ELMO1: variants seen among roughly 807,000 people sequenced by gnomAD.
ELMO1 encodes the protein engulfment and cell motility 1, also known as engulfment and cell motility protein 1.
In ELMO1, 26 loss-of-function variants were observed where a neutral mutation model predicts 98.9. The ratio of observed to expected loss-of-function variants is 0.26; its 90% CI spans 0.19 to 0.36. The LOEUF is 0.36. Ranked by LOEUF, ELMO1 falls within the 10% of genes least tolerant of loss-of-function variation. ELMO1 has a pLI of 1.00. For missense variants in ELMO1, 627 were observed against 935.2 expected (o/e 0.67, Z 4.30); for synonymous variants, 346 against 346.0 (o/e 1.00, Z 0.00).
Position 37,224,869 on chromosome 7 carries a change from G to T in ELMO1, c.701+10C>A, listed in dbSNP as rs1196414028. ...CATTTCTCCTCCCCAGAGCATCTTG[G>T]CATGCTTACCCTTGCAGGTGTGGAA... On this transcript the variant is annotated intron_variant, in intron 9 of 21. Coordinates refer to ENST00000310758, the MANE Select transcript of ELMO1 (RefSeq NM_014800.11). 9 of 1,612,938 alleles carry T rather than the reference G, an allele frequency of 5.6e-6. No homozygotes were observed. Among genetic ancestry groups the T allele is most frequent in the Non-Finnish European group, 7.6e-6 (9 of 1,179,266 alleles).
At chr7:37,011,064 G>A (rs1010188331) in intron 16 of ELMO1, among the ~76,000 whole-genome samples, 1 of 152,312 alleles carries the variant, frequency 6.6e-6, no homozygotes, top group Admixed American at 6.5e-5. Flanking sequence ...GGCAATAGAG[G>A]TGTGACCCCC....
intron 15 of ELMO1, among the ~76,000 whole-genome samples, chr7:37,079,264 C>A (rs1797737360): frequency 6.6e-6 from 1 of 152,206 alleles, no homozygotes; most frequent in Non-Finnish European, 1.5e-5. Flanking sequence ...TTCTGTATCA[C>A]TGTGAAGCAA....
intron 7 of ELMO1, among the ~76,000 whole-genome samples, chr7:37,241,024 G>T (rs576826699): frequency 2.0e-5 from 3 of 152,168 alleles, no homozygotes; most frequent in Admixed American, 6.5e-5. Context: ...ATTTTGCCTA[G>T]TTTTCATACC....
At chr7:37,263,202 G>C (rs1796065801) in intron 5 of ELMO1, among the ~76,000 whole-genome samples, 1 of 151,656 alleles carries the variant, frequency 6.6e-6, no homozygotes, top group East Asian at 1.9e-4. Flanking sequence ...TTGGAGTTTT[G>C]TAAGGAAATT....
chr7:37,275,859 C>G (rs1256956676), intron 4 of ELMO1, among the ~76,000 whole-genome samples: 2 of 152,218 alleles, frequency 1.3e-5, no homozygotes, highest in Non-Finnish European at 2.9e-5. Context: ...ACCACTGTTT[C>G]TGAGACTATA....
At chr7:36,860,507 G>A (rs1256288391) in intron 21 of ELMO1, among the ~76,000 whole-genome samples, 2 of 152,200 alleles carry the variant, frequency 1.3e-5, no homozygotes, top group Non-Finnish European at 1.5e-5. Context: ...TGGCAGATAT[G>A]AATAAAAATC....
chr7:37,395,549 T>C (rs2131436721), intron 1 of ELMO1, among the ~76,000 whole-genome samples: 1 of 152,320 alleles, frequency 6.6e-6, no homozygotes, highest in African/African-American at 2.4e-5. Flanking sequence ...TAACCAATTT[T>C]GTTTTCAGAA....
chr7:37,350,333 G>C (rs1394200774), intron 1 of ELMO1, among the ~76,000 whole-genome samples: 1 of 152,180 alleles, frequency 6.6e-6, no homozygotes, highest in African/African-American at 2.4e-5. Flanking sequence ...TTGACAGGTG[G>C]GGAAATGTGC....
At chr7:37,139,148 C>T (rs1787455790) in intron 13 of ELMO1, among the ~76,000 whole-genome samples, 1 of 152,058 alleles carries the variant, frequency 6.6e-6, no homozygotes. Context: ...GGAAGCATTC[C>T]CCCTGAGAAC....
intron 15 of ELMO1, among the ~76,000 whole-genome samples, chr7:37,023,127 T>C (rs1794370692): frequency 1.3e-5 from 2 of 152,340 alleles, no homozygotes; most frequent in Middle Eastern, 3.4e-3. Flanking sequence ...AGTGGGAAGA[T>C]GGCCCAAGAG....
At chr7:36,977,179 G>A (rs1458688266) in intron 16 of ELMO1, among the ~76,000 whole-genome samples, 1 of 152,188 alleles carries the variant, frequency 6.6e-6, no homozygotes, top group Non-Finnish European at 1.5e-5. Context: ...TTTGAGCATA[G>A]GAGGATGTAC....
At chr7:37,093,290 G>C (rs1463292319) in intron 15 of ELMO1, among the ~76,000 whole-genome samples, 1 of 152,090 alleles carries the variant, frequency 6.6e-6, no homozygotes, top group African/African-American at 2.4e-5. Flanking sequence ...TATTTCAGAG[G>C]TGGGTTTCCT....
At chr7:36,859,861 T>A (rs539174175) in intron 21 of ELMO1, among the ~76,000 whole-genome samples, 18 of 152,118 alleles carry the variant, frequency 1.2e-4, no homozygotes, top group Non-Finnish European at 2.2e-4. Flanking sequence ...ATAAAACTTA[T>A]ACCAAGTGTG....
At chr7:37,377,682 T>A (rs191802377) in intron 1 of ELMO1, among the ~76,000 whole-genome samples, 24 of 152,224 alleles carry the variant, frequency 1.6e-4, no homozygotes, top group African/African-American at 5.1e-4. Flanking sequence ...TCTGAAGGGA[T>A]TAACAGCCCA....
intron 13 of ELMO1, among the ~76,000 whole-genome samples, chr7:37,167,303 C>T (rs545898973): frequency 4.6e-5 from 7 of 152,152 alleles, no homozygotes; most frequent in Non-Finnish European, 1.0e-4. Context: ...ATTTGCCAAT[C>T]TGTGTCATTT....
chr7:37,360,997 T>G (rs1244467918), intron 1 of ELMO1, among the ~76,000 whole-genome samples: 1 of 151,770 alleles, frequency 6.6e-6, no homozygotes, highest in Non-Finnish European at 1.5e-5. Context: ...AATAAGTATT[T>G]ACTTCAGTAC....
chr7:37,417,820 T>C (rs544864034), intron 1 of ELMO1, among the ~76,000 whole-genome samples: 1 of 152,250 alleles, frequency 6.6e-6, no homozygotes, highest in East Asian at 1.9e-4. Flanking sequence ...CCAGCCTGGA[T>C]GACAGAGCAA....
At chr7:37,388,794 C>T (rs1038121398) in intron 1 of ELMO1, among the ~76,000 whole-genome samples, 19 of 152,182 alleles carry the variant, frequency 1.2e-4, no homozygotes, top group Middle Eastern at 3.4e-3. Context: ...TAGAGAGAGA[C>T]CCTGTCTCTA....
At chr7:37,285,352 C>A (rs1797338982) in intron 4 of ELMO1, among the ~76,000 whole-genome samples, 1 of 152,076 alleles carries the variant, frequency 6.6e-6, no homozygotes, top group Non-Finnish European at 1.5e-5. Context: ...TGGAATATAC[C>A]CTGTTTAAAT....
Sources: gnomAD v4.1 joint callset for allele counts (sites outside exome capture counted in the v4.1 genomes callset) on GRCh38, gnomAD v4.1.1 for gene constraint, MANE v1.5 for transcripts, NCBI Gene and HGNC (gene_info 2026-07-23, HGNC 2026-07-21) for gene names.